The following GOLM2 variants were observed in gnomAD, a reference collection of about 807,000 sequenced individuals.
GOLM2 encodes the protein golgi membrane protein 2, also known as protein GOLM2.
GOLM2 carries 26 observed loss-of-function variants against 55.9 expected under a neutral mutation model. The ratio of observed to expected loss-of-function variants is 0.47; its 90% confidence interval spans 0.34 to 0.65. The LOEUF is 0.65. Among genes scored for constraint, GOLM2 ranks in the 30% least tolerant of loss-of-function variants. The pLI is 0.01. For missense variants in GOLM2, 486 were observed against 531.8 expected (o/e 0.91, Z 0.85); for synonymous variants, 165 against 194.6 (o/e 0.85, Z 1.27).
In GOLM2 at chr15:44,363,412, C is replaced by A. The variant is rs974196037; in HGVS notation, c.803-16278C>A. On this transcript the variant is annotated intron_variant, in intron 6 of 9. Transcript: ENST00000299957. Reference sequence around the variant, plus strand: ...ATGAACAGACACTTCTCAAAAGAAGCCATTTATGCAGCCAAAAAACACATG... The same window carrying A: ...ATGAACAGACACTTCTCAAAAGAAGACATTTATGCAGCCAAAAAACACATG... Among the ~76,000 whole-genome samples the A allele has an allele frequency of 3.7e-3, 568 of 152,240 alleles. 3 individuals carry two copies. The highest frequency in any genetic ancestry group is 0.013 in the African/African-American group (535 of 41,522).
chr15:44,370,610 T>C (rs912840245), intron 6 of GOLM2, among the ~76,000 whole-genome samples: 1 of 152,186 alleles, frequency 6.6e-6, no homozygotes, highest in Admixed American at 6.6e-5. Context: ...GCAACTCATC[T>C]GAATACCGAA....
chr15:44,289,001 G>T lies in GOLM2; in HGVS notation c.-29G>T. The T allele has an allele frequency of 1.3e-6, 2 of 1,580,780 alleles. No individual in the cohort carries two copies. The highest frequency in any genetic ancestry group is 1.7e-6 in the Non-Finnish European group (2 of 1,159,816). On this transcript the variant is annotated 5_prime_UTR_variant, in exon 1 of 10. Transcript: ENST00000299957. The surrounding 1 kb of genome is among the most constrained non-coding windows in gnomAD (Gnocchi z 4.8). ...TCTGCCTGCAGGTGTCTGCGGCGAG[G>T]CCCCTAGGGTACAGCCCGATTTGGC...
chr15:44,298,604 C>G (rs2078774887), intron 1 of GOLM2, among the ~76,000 whole-genome samples: 1 of 152,094 alleles, frequency 6.6e-6, no homozygotes, highest in South Asian at 2.1e-4. Flanking sequence ...ACACCATTTA[C>G]ATTTATTGTT....
In GOLM2 at chr15:44,369,066, ATTATATATAT is replaced by A. The variant is rs1310045587; in HGVS notation, c.803-10623_803-10614del. ...GAGATATATACATATAATAGGATAT[ATTATATATAT>A]ATATATATATATATATATATATATA... On this transcript the variant is annotated intron_variant, in intron 6 of 9. Coordinates refer to ENST00000299957, the MANE Select transcript of GOLM2 (RefSeq NM_138423.4). Among the ~76,000 whole-genome samples, 43 of 60,078 alleles carry A rather than the reference ATTATATATAT, an allele frequency of 7.2e-4. 1 individual carries two copies. Among genetic ancestry groups the A allele is most frequent in the African/African-American group, 3.1e-3 (42 of 13,368 alleles). The allele number at this position is 60,078 out of a possible 152,430, so 39.4% of individuals were successfully genotyped here. A position where few individuals can be genotyped will look rare whatever the true frequency, so the allele number is the denominator to read the frequency against.
intron 1 of GOLM2, among the ~76,000 whole-genome samples, chr15:44,316,754 C>CA (rs545702797): frequency 0.063 from 5,277 of 83,568 alleles, 246 homozygotes; most frequent in East Asian, 0.23. Flanking sequence ...GACTCTGTCT[C>CA]AAAAAAAAAA....
At chr15:44,318,708 C>CAAA (rs932864980) in intron 1 of GOLM2, among the ~76,000 whole-genome samples, 3 of 94,924 alleles carry the variant, frequency 3.2e-5, no homozygotes, top group Non-Finnish European at 2.3e-5. Context: ...CACTCTGTCT[C>CAAA]AAAAAAAAAA....
chr15:44,347,101 G>A (rs188207016), intron 6 of GOLM2, among the ~76,000 whole-genome samples: 2 of 152,204 alleles, frequency 1.3e-5, no homozygotes, highest in Admixed American at 6.5e-5. Context: ...TCCAGTCTGG[G>A]TGACAGAGAG....
intron 1 of GOLM2, among the ~76,000 whole-genome samples, chr15:44,311,610 A>T (rs1281320799): frequency 6.6e-6 from 1 of 152,016 alleles, no homozygotes; most frequent in Non-Finnish European, 1.5e-5. Context: ...AAAAGTCTTG[A>T]TTATTAATTC....
Position 44,323,794 on chromosome 15 carries a change from A to T in GOLM2, c.382+775A>T, listed in dbSNP as rs143129150. ...CTATTATCCTTTTGAGCCTCTTTGG[A>T]TATACTTAGATAATCTATTTTTATT... is the stretch of plus-strand genomic sequence containing the variant. On this transcript the variant is annotated intron_variant, in intron 2 of 9. Transcript: ENST00000299957. 7.3e-3 allele frequency among the ~76,000 whole-genome samples: 1,114 copies of T among 152,208 alleles called. 7 individuals carry two copies. The highest frequency in any genetic ancestry group is 0.011 in the Non-Finnish European group (777 of 67,996).
At chr15:44,352,701 T>C (rs943700913) in intron 6 of GOLM2, among the ~76,000 whole-genome samples, 1 of 151,874 alleles carries the variant, frequency 6.6e-6, no homozygotes, top group Non-Finnish European at 1.5e-5. Context: ...AGGTCAGAAG[T>C]TCGAGACCAG....
At chr15:44,374,405 T>G (rs577600831) in intron 6 of GOLM2, among the ~76,000 whole-genome samples, 1 of 152,182 alleles carries the variant, frequency 6.6e-6, no homozygotes, top group African/African-American at 2.4e-5. Context: ...TCCCAGCACT[T>G]TCCAAGGTCA....
intron 6 of GOLM2, among the ~76,000 whole-genome samples, chr15:44,377,455 C>T (rs144694101): frequency 1.3e-5 from 2 of 152,328 alleles, no homozygotes; most frequent in African/African-American, 4.8e-5. Context: ...ATTGCAACCT[C>T]CACCTCCCAG....
chr15:44,409,731 A>AC (rs1472326504), intron 9 of GOLM2: 1 of 149,370 alleles, frequency 6.7e-6, no homozygotes, highest in African/African-American at 2.5e-5. Flanking sequence ...ACATGGTAAA[A>AC]CCCCGTCTCT....
chr15:44,338,105 C>A, intron 5 of GOLM2, 132 bp from the exon 6 acceptor site: 1 of 998,374 alleles, frequency 1.0e-6, no homozygotes, highest in Non-Finnish European at 1.5e-6. Flanking sequence ...ACAGCTATGT[C>A]CAAAGCAAGA....
intron 1 of GOLM2, among the ~76,000 whole-genome samples, chr15:44,321,493 G>A (rs1170571333): frequency 6.8e-6 from 1 of 148,068 alleles, no homozygotes; most frequent in Non-Finnish European, 1.5e-5. Flanking sequence ...AAGGGGGGGT[G>A]GGGGGATAGC....
rs963027223 is a variant in GOLM2, at chr15:44,384,405, G to A, written c.1072+3429G>A. ...AGGTGGGTGGATCACAAGGTCAGGA[G>A]ATCGAGACCATCCTGGCCAACATGG... is the stretch of plus-strand genomic sequence containing the variant. On this transcript the variant is annotated intron_variant, in intron 8 of 9. Transcript: ENST00000299957. Among the ~76,000 whole-genome samples the A allele has an allele frequency of 3.3e-5, 5 of 152,078 alleles. No homozygotes were observed. The East Asian group carries it at 7.7e-4, about 23-fold the overall frequency.
intron 8 of GOLM2, among the ~76,000 whole-genome samples, chr15:44,392,319 T>C (rs930049863): frequency 6.6e-6 from 1 of 151,970 alleles, no homozygotes; most frequent in African/African-American, 2.4e-5. Context: ...CTTATTAATA[T>C]AGATATAAAA....
intron 6 of GOLM2, among the ~76,000 whole-genome samples, chr15:44,376,400 G>C (rs1178417339): frequency 6.6e-6 from 1 of 152,092 alleles, no homozygotes; most frequent in Non-Finnish European, 1.5e-5. Context: ...TGAGTAGCTG[G>C]ATTACAGATG....
intron 6 of GOLM2, among the ~76,000 whole-genome samples, chr15:44,353,700 T>C (rs947821765): frequency 6.6e-6 from 1 of 152,160 alleles, no homozygotes; most frequent in African/African-American, 2.4e-5. Flanking sequence ...TCACGTATCC[T>C]CACTTATTTG....
Sources: allele counts gnomAD v4.1 joint callset (sites outside exome capture counted in the v4.1 genomes callset), GRCh38; gene constraint gnomAD v4.1.1; non-coding constraint Gnocchi (gnomAD v3.1); transcripts MANE v1.5; gene names NCBI Gene and HGNC (gene_info 2026-07-23, HGNC 2026-07-21).